Variants in ZNF366 observed in about 807,000 individuals in gnomAD.
ZNF366 encodes zinc finger protein 366.
A neutral mutation model predicts 47.2 loss-of-function variants in ZNF366; 20 were observed. The ratio of observed to expected loss-of-function variants is 0.42; its 90% CI spans 0.30 to 0.62. The LOEUF is 0.62. Ranked by LOEUF, ZNF366 falls within the 20% of genes least tolerant of loss-of-function variation. The pLI is 0.16. For synonymous variants in ZNF366, 421 were observed against 395.1 expected, an observed-to-expected ratio of 1.07 and a Z score of -0.78; for missense variants, 987 against 976.3, an observed-to-expected ratio of 1.01 and a Z score of -0.15.
chr5:72,461,889 C>G (rs1743321215), intron 1 of ZNF366, among the ~76,000 whole-genome samples: 2 of 152,208 alleles, frequency 1.3e-5, no homozygotes, highest in Admixed American at 1.3e-4. Flanking sequence ...AATGAAATGA[C>G]ATTCTCAAGT....
rs1269238391 is a variant in ZNF366, at chr5:72,441,661, A to T, written c.*2095T>A. 1 of 152,238 alleles carries T rather than the reference A, an allele frequency of 6.6e-6. No individual in the cohort carries two copies. Among genetic ancestry groups the T allele is most frequent in the Non-Finnish European group, 1.5e-5 (1 of 68,066 alleles). 9.4% of individuals were successfully genotyped at this position (152,238 alleles called of 1,614,324 possible). A position where few individuals can be genotyped will look rare whatever the true frequency, so the allele number is the denominator to read the frequency against. On this transcript the variant is annotated 3_prime_UTR_variant, in exon 5 of 5. Transcript: ENST00000318442. ...GGACACAACACATGGGTGAGTGATG[A>T]CAACCAGGTGGGGCTAATGGGGCAG...
intron 1 of ZNF366, among the ~76,000 whole-genome samples, chr5:72,487,426 T>C (rs1378871934): frequency 6.6e-6 from 1 of 152,188 alleles, no homozygotes; most frequent in East Asian, 1.9e-4. Flanking sequence ...AAAAATGTGG[T>C]TCCCTAACAA....
intron 1 of ZNF366, among the ~76,000 whole-genome samples, chr5:72,485,583 C>A (rs1343122244): frequency 6.6e-6 from 1 of 152,202 alleles, no homozygotes; most frequent in Non-Finnish European, 1.5e-5. Flanking sequence ...ATCATTGTAA[C>A]AGCCTCCTGA....
intron 2 of ZNF366, among the ~76,000 whole-genome samples, chr5:72,457,617 A>G (rs1338948384): frequency 6.6e-6 from 1 of 152,166 alleles, no homozygotes; most frequent in Non-Finnish European, 1.5e-5. Flanking sequence ...ACTTTGAGGC[A>G]TGGTAAGAAA....
intron 1 of ZNF366, among the ~76,000 whole-genome samples, chr5:72,480,990 T>C (rs1446648749): frequency 6.6e-6 from 1 of 152,258 alleles, no homozygotes; most frequent in South Asian, 2.1e-4. Flanking sequence ...GTGAACTTCA[T>C]GTGGAGAAAG....
intron 2 of ZNF366, among the ~76,000 whole-genome samples, chr5:72,458,049 C>G (rs537433794): frequency 8.2e-6 from 1 of 122,422 alleles, no homozygotes; most frequent in Non-Finnish European, 1.6e-5. Context: ...CGGAATCTCA[C>G]TCTGTTGCCC....
intron 2 of ZNF366, among the ~76,000 whole-genome samples, chr5:72,457,502 G>A (rs1474869253): frequency 6.6e-6 from 1 of 152,204 alleles, no homozygotes; most frequent in African/African-American, 2.4e-5. Flanking sequence ...GTTAACAACT[G>A]TACCTGATGA....
At chr5:72,496,094 A>AT (rs899444486) in intron 1 of ZNF366, among the ~76,000 whole-genome samples, 5 of 151,326 alleles carry the variant, frequency 3.3e-5, no homozygotes, top group East Asian at 1.9e-4. Context: ...AAGCTGCCTC[A>AT]TTTTTTTTCA....
intron 1 of ZNF366, among the ~76,000 whole-genome samples, chr5:72,480,500 T>A (rs1382929353): frequency 2.0e-5 from 3 of 152,186 alleles, no homozygotes; most frequent in African/African-American, 7.2e-5. Flanking sequence ...CCTGTCTTGG[T>A]GGAGTAACAG....
intron 1 of ZNF366, among the ~76,000 whole-genome samples, chr5:72,466,798 A>G (rs1246503628): frequency 1.3e-5 from 2 of 152,238 alleles, no homozygotes; most frequent in East Asian, 1.9e-4. Flanking sequence ...AGTTATGAAA[A>G]GAACTTGATA....
At chr5:72,488,941 C>G (rs1480436456) in intron 1 of ZNF366, among the ~76,000 whole-genome samples, 1 of 152,232 alleles carries the variant, frequency 6.6e-6, no homozygotes, top group Non-Finnish European at 1.5e-5. Flanking sequence ...ATTTCTAGCT[C>G]TTCTTTTGGG....
At chr5:72,506,327 T>C (rs1744317765) in intron 1 of ZNF366, among the ~76,000 whole-genome samples, 2 of 152,250 alleles carry the variant, frequency 1.3e-5, no homozygotes, top group African/African-American at 4.8e-5. Context: ...GGCTCCCTCA[T>C]GGCTTGCGAT....
At chr5:72,501,764 C>T (rs900605084) in intron 1 of ZNF366, among the ~76,000 whole-genome samples, 5 of 152,158 alleles carry the variant, frequency 3.3e-5, no homozygotes, top group Non-Finnish European at 7.3e-5. Flanking sequence ...TTCTCTGTCT[C>T]GCCAAAAACA....
At chr5:72,506,888 C>T (rs1266349629) in intron 1 of ZNF366, among the ~76,000 whole-genome samples, 1 of 152,212 alleles carries the variant, frequency 6.6e-6, no homozygotes. Context: ...CCTTAACAGA[C>T]ACCCTGATAA....
intron 1 of ZNF366, among the ~76,000 whole-genome samples, chr5:72,463,250 T>G (rs1480961814): frequency 6.6e-6 from 1 of 152,200 alleles, no homozygotes; most frequent in Admixed American, 6.5e-5. Flanking sequence ...TTTGGGAGGC[T>G]TGAGAGCTGC....
chr5:72,481,495 T>C (rs1360169035), intron 1 of ZNF366, among the ~76,000 whole-genome samples: 1 of 152,224 alleles, frequency 6.6e-6, no homozygotes, highest in African/African-American at 2.4e-5. Flanking sequence ...ACTTTGTTCA[T>C]AAATCCTTGT....
chr5:72,487,342 C>T (rs1367898591), intron 1 of ZNF366, among the ~76,000 whole-genome samples: 4 of 152,204 alleles, frequency 2.6e-5, no homozygotes, highest in Admixed American at 2.6e-4. Flanking sequence ...AACAATTTGC[C>T]TCAGGCTAAA....
chr5:72,483,968 A>G (rs1294632318), intron 1 of ZNF366, among the ~76,000 whole-genome samples: 6 of 152,198 alleles, frequency 3.9e-5, no homozygotes, highest in African/African-American at 1.4e-4. Flanking sequence ...AAACTATGAA[A>G]GTAGACAGAA....
At chr5:72,485,416 G>T (rs1194526482) in intron 1 of ZNF366, among the ~76,000 whole-genome samples, 1 of 152,162 alleles carries the variant, frequency 6.6e-6, no homozygotes, top group Non-Finnish European at 1.5e-5. Flanking sequence ...CCTCTTCCCA[G>T]TTCACTAATG....
Sources: allele counts gnomAD v4.1 joint callset (sites outside exome capture counted in the v4.1 genomes callset), GRCh38; gene constraint gnomAD v4.1.1; transcripts MANE v1.5; gene names NCBI Gene and HGNC (gene_info 2026-07-23, HGNC 2026-07-21).